The following SDK1 variants were observed in gnomAD, a reference collection of about 807,000 sequenced individuals.
The protein encoded by SDK1 is sidekick cell adhesion molecule 1, also known as protein sidekick-1.
SDK1 carries 157 observed loss-of-function variants against 245.5 expected under a neutral mutation model. The observed-to-expected ratio is 0.64, with a 90% CI of 0.56 to 0.73. SDK1 has a LOEUF of 0.73. Among genes scored for constraint, SDK1 ranks in the 30% least tolerant of loss-of-function variants. The probability of loss-of-function intolerance (pLI) is 0.00; values close to 1 mark genes in which losing one functional copy is unlikely to be tolerated. For missense variants in SDK1, 3,583 were observed against 3,002.3 expected, an observed-to-expected ratio of 1.19 and a Z score of -4.52; for synonymous variants, 1,647 against 1,278.5, an observed-to-expected ratio of 1.29 and a Z score of -6.15.
At chr7:3,522,040 C>T (rs758284815) in intron 1 of SDK1, among the ~76,000 whole-genome samples, 1 of 152,038 alleles carries the variant, frequency 6.6e-6, no homozygotes. Flanking sequence ...TTATTTAGAT[C>T]ATCTTAAATC....
intron 5 of SDK1, among the ~76,000 whole-genome samples, chr7:3,849,425 T>C (rs1034690598): frequency 2.0e-5 from 3 of 152,228 alleles, no homozygotes; most frequent in African/African-American, 7.2e-5. Flanking sequence ...ATTTGTATAG[T>C]TTCTAATGGC....
intron 4 of SDK1, among the ~76,000 whole-genome samples, chr7:3,796,229 C>T (rs144808770): frequency 3.3e-5 from 5 of 152,318 alleles, no homozygotes; most frequent in African/African-American, 9.6e-5. Context: ...TAATGTAATG[C>T]GGTCTTTAAG....
intron 43 of SDK1, 131 bp from the exon 44 acceptor site, chr7:4,245,545 C>T (rs1786794247): frequency 2.8e-6 from 3 of 1,069,340 alleles, no homozygotes; most frequent in Non-Finnish European, 1.3e-6. Context: ...GCATCAGTTG[C>T]CAAAGTGATG....
intron 4 of SDK1, among the ~76,000 whole-genome samples, chr7:3,732,706 A>G (rs1779214683): frequency 6.6e-6 from 1 of 152,232 alleles, no homozygotes; most frequent in African/African-American, 2.4e-5. Flanking sequence ...CACACATTTA[A>G]TGAAATATAA....
intron 1 of SDK1, among the ~76,000 whole-genome samples, chr7:3,508,955 T>C (rs987630484): frequency 5.9e-5 from 9 of 152,216 alleles, no homozygotes; most frequent in African/African-American, 2.2e-4. Flanking sequence ...GATAAACATA[T>C]CTGCACTGTT....
chr7:4,025,291 G>A (rs566629568), intron 17 of SDK1, among the ~76,000 whole-genome samples: 1 of 152,348 alleles, frequency 6.6e-6, no homozygotes, highest in Admixed American at 6.5e-5. Flanking sequence ...CCGCCGAACA[G>A]AGGATTCATC....
chr7:4,146,014 C>T, intron 29 of SDK1, 98 bp downstream of exon 29: 1 of 1,089,578 alleles, frequency 9.2e-7, no homozygotes, highest in South Asian at 1.6e-5. Flanking sequence ...GAGGCTTCGG[C>T]CTTCCCTTCG....
intron 5 of SDK1, among the ~76,000 whole-genome samples, chr7:3,914,051 A>G (rs1407153743): frequency 6.6e-6 from 1 of 152,198 alleles, no homozygotes; most frequent in Non-Finnish European, 1.5e-5. Flanking sequence ...CCAGATGTTG[A>G]AAAAGGTAAG....
At chr7:3,516,655 G>A (rs1398708485) in intron 1 of SDK1, among the ~76,000 whole-genome samples, 1 of 152,100 alleles carries the variant, frequency 6.6e-6, no homozygotes, top group Non-Finnish European at 1.5e-5. Context: ...CATTAATTAG[G>A]TTGTAATAGT....
At chr7:4,063,597 C>CAAAAAAAAAAAAAAAAAAAAAAA (rs35423286) in intron 19 of SDK1, among the ~76,000 whole-genome samples, 2 of 125,146 alleles carry the variant, frequency 1.6e-5, no homozygotes, top group African/African-American at 2.9e-5. Flanking sequence ...ACAGAAATAG[C>CAAAAAAAAAAAAAAAAAAAAAAA]AAAAAAAAAA....
chr7:3,768,545 G>C (rs1321370955), intron 4 of SDK1, among the ~76,000 whole-genome samples: 1 of 152,208 alleles, frequency 6.6e-6, no homozygotes, highest in Non-Finnish European at 1.5e-5. Flanking sequence ...TGAATGGATA[G>C]TGCAGGCATG....
At chr7:3,850,433 G>C (rs1780390132) in intron 5 of SDK1, among the ~76,000 whole-genome samples, 1 of 152,228 alleles carries the variant, frequency 6.6e-6, no homozygotes. Context: ...TTCAGCCATT[G>C]TGGAAGACAA....
chr7:3,417,853 G>C (rs1779416926), intron 1 of SDK1, among the ~76,000 whole-genome samples: 2 of 152,292 alleles, frequency 1.3e-5, no homozygotes, highest in South Asian at 4.2e-4. Flanking sequence ...CAGTTGGCAA[G>C]TGGAATTCAT....
At chr7:3,882,089 G>C (rs990490388) in intron 5 of SDK1, among the ~76,000 whole-genome samples, 5 of 152,174 alleles carry the variant, frequency 3.3e-5, no homozygotes, top group African/African-American at 1.2e-4. Context: ...AGAGAGAAAC[G>C]AGAGCCAAGT....
chr7:3,838,431 G>A (rs1780075409), intron 5 of SDK1, among the ~76,000 whole-genome samples: 1 of 152,242 alleles, frequency 6.6e-6, no homozygotes, highest in Non-Finnish European at 1.5e-5. Context: ...CCTAAAGGTT[G>A]AGTAAGAGGC....
chr7:4,254,627 C>T (rs1397382066), intron 44 of SDK1, among the ~76,000 whole-genome samples: 1 of 149,002 alleles, frequency 6.7e-6, no homozygotes, highest in Non-Finnish European at 1.5e-5. Context: ...CAGAAGCTAC[C>T]TTCTTTTTTT....
chr7:3,833,883 A>T (rs919697682), intron 5 of SDK1, among the ~76,000 whole-genome samples: 8 of 152,194 alleles, frequency 5.3e-5, no homozygotes, highest in Non-Finnish European at 1.2e-4. Context: ...GATGACCTGG[A>T]TCCTATTCAC....
chr7:3,740,196 C>T (rs936076959), intron 4 of SDK1, among the ~76,000 whole-genome samples: 1 of 152,166 alleles, frequency 6.6e-6, no homozygotes, highest in Admixed American at 6.5e-5. Flanking sequence ...GTGACGTACA[C>T]TGTACGTCAA....
intron 18 of SDK1, 120 bp downstream of exon 18, chr7:4,049,583 C>G (rs991944250): frequency 2.1e-5 from 15 of 727,788 alleles, no homozygotes; most frequent in Non-Finnish European, 3.1e-5. Flanking sequence ...TACAGGGCGT[C>G]TTGACCTTGG....
Sources: allele counts gnomAD v4.1 joint callset (sites outside exome capture counted in the v4.1 genomes callset), GRCh38; gene constraint gnomAD v4.1.1; transcripts MANE v1.5; gene names NCBI Gene and HGNC (gene_info 2026-07-23, HGNC 2026-07-21).